Variants in PAPSS1 observed in about 807,000 individuals in gnomAD.
PAPSS1 encodes the protein bifunctional 3'-phosphoadenosine 5'-phosphosulfate synthase 1.
A neutral mutation model predicts 72.0 loss-of-function variants in PAPSS1; 50 were observed. That is an observed-to-expected ratio of 0.69 (90% CI 0.55 to 0.88). The LOEUF (loss-of-function observed/expected upper bound fraction) is 0.88. PAPSS1 is among the 40% of genes least tolerant of loss of function. PAPSS1 has a pLI of 0.00. For missense variants in PAPSS1, 657 were observed against 782.2 expected (o/e 0.84, Z 1.91); for synonymous variants, 261 against 263.6 (o/e 0.99, Z 0.09).
At chr4:107,621,796 T>G (rs1375360651) in intron 11 of PAPSS1, among the ~76,000 whole-genome samples, 3 of 151,554 alleles carry the variant, frequency 2.0e-5, no homozygotes, top group Non-Finnish European at 4.4e-5. Context: ...AATTTTTTTT[T>G]TGTATTTTTT....
chr4:107,627,784 A>G (rs1291197318), intron 11 of PAPSS1, among the ~76,000 whole-genome samples: 2 of 152,156 alleles, frequency 1.3e-5, no homozygotes, highest in Non-Finnish European at 2.9e-5. Flanking sequence ...CCATTGGTAG[A>G]AAAAATCCTT....
chr4:107,671,547 T>C (rs1203185449), intron 5 of PAPSS1, among the ~76,000 whole-genome samples: 1 of 152,164 alleles, frequency 6.6e-6, no homozygotes, highest in Non-Finnish European at 1.5e-5. Flanking sequence ...ATTAAATATG[T>C]GCATTTTTCT....
chr4:107,667,313 T>C lies in PAPSS1; in HGVS notation c.670-7241A>G, dbSNP rs144976916. Among the ~76,000 whole-genome samples, 630 of 152,270 alleles carry C rather than the reference T, an allele frequency of 4.1e-3. 9 individuals carry two copies. The highest frequency in any genetic ancestry group is 0.014 in the African/African-American group (590 of 41,550). ...CACATCTCTTCCATCTGGCTGTTAC[T>C]GAGTCTATAAGAAACTGGAAGTAGC... On this transcript the variant is annotated intron_variant, in intron 5 of 11. Coordinates refer to ENST00000265174, the MANE Select transcript of PAPSS1 (RefSeq NM_005443.5).
At chr4:107,655,880 T>G (rs1255786871) in intron 7 of PAPSS1, among the ~76,000 whole-genome samples, 2 of 152,238 alleles carry the variant, frequency 1.3e-5, no homozygotes, top group Admixed American at 1.3e-4. Context: ...ATCCTTATGT[T>G]CTTGTGATAA....
At chr4:107,634,797 A>ATTTTTTTTTTT (rs3083966) in intron 10 of PAPSS1, among the ~76,000 whole-genome samples, 2 of 116,000 alleles carry the variant, frequency 1.7e-5, no homozygotes, top group African/African-American at 7.2e-5. Flanking sequence ...TATTCTAGAC[A>ATTTTTTTTTTT]TTTTTTTTTT....
At chr4:107,648,906 G>C (rs763217383) in intron 9 of PAPSS1, among the ~76,000 whole-genome samples, 22 of 152,138 alleles carry the variant, frequency 1.4e-4, no homozygotes, top group Non-Finnish European at 1.9e-4. Flanking sequence ...TGGAAATAAA[G>C]GAATAAGAGA....
In PAPSS1 at chr4:107,703,818, G is replaced by A. The variant is rs1052940007; in HGVS notation, c.61-2533C>T. On this transcript the variant is annotated intron_variant, in intron 1 of 11. Coordinates refer to ENST00000265174, the MANE Select transcript of PAPSS1 (RefSeq NM_005443.5). ...CGCTTTGTTATCTTTGCTCAAGATT[G>A]CTTTGGTTATCTGGGGTCTTTTGTG... Among the ~76,000 whole-genome samples the A allele has an allele frequency of 9.9e-5, 15 of 152,246 alleles. No individual in the cohort carries two copies. In the East Asian group the frequency reaches 2.3e-3, roughly 24 times the overall value.
rs1441496741 is a variant in PAPSS1, at chr4:107,693,846, G to A, written c.336C>T (p.Arg112=). Residue 112 remains arginine, a synonymous_variant, in exon 3 of 12, where the codon CGC becomes CGT. Coordinates refer to ENST00000265174, the MANE Select transcript of PAPSS1 (RefSeq NM_005443.5). ...SPEDREENVR[R]IAEVAKLFAD... Reference sequence around the variant, plus strand: ...CAAACAGTTTAGCAACTTCTGCGATGCGTCGAACATTCTCTTCTCTGTCTT... The same window carrying A: ...CAAACAGTTTAGCAACTTCTGCGATACGTCGAACATTCTCTTCTCTGTCTT... The A allele has an allele frequency of 6.2e-6, 10 of 1,613,972 alleles. No individual in the cohort carries two copies. The highest frequency in any genetic ancestry group is 8.5e-6 in the Non-Finnish European group (10 of 1,179,892).
Position 107,678,610 on chromosome 4 carries a change from C to T in PAPSS1, c.669+3405G>A, listed in dbSNP as rs548009502. 3.0e-4 allele frequency among the ~76,000 whole-genome samples: 45 copies of T among 152,110 alleles called. 1 individual carries two copies. In the South Asian group the frequency reaches 9.1e-3, roughly 31 times the overall value. ...GGTAAGAGGAAAACAGCTAAAATGTCTTTAAAACTTTTAAAGGCTGAGTGT... is the reference window on the plus strand; with the variant it reads ...GGTAAGAGGAAAACAGCTAAAATGTTTTTAAAACTTTTAAAGGCTGAGTGT... On this transcript the variant is annotated intron_variant, in intron 5 of 11. Coordinates refer to ENST00000265174, the MANE Select transcript of PAPSS1 (RefSeq NM_005443.5).
chr4:107,637,343 C>T (rs1032927040), intron 10 of PAPSS1, among the ~76,000 whole-genome samples: 5 of 152,046 alleles, frequency 3.3e-5, no homozygotes, highest in African/African-American at 1.2e-4. Context: ...GCAAAGACTT[C>T]GGTAAATTTT....
chr4:107,653,774 T>C (rs1339398362), intron 8 of PAPSS1, 148 bp from the exon 9 acceptor site: 7 of 533,088 alleles, frequency 1.3e-5, no homozygotes, highest in Non-Finnish European at 1.9e-5. Flanking sequence ...ACATTAGAGA[T>C]GCTATAAAAT....
intron 5 of PAPSS1, among the ~76,000 whole-genome samples, chr4:107,662,755 C>G (rs1265551628): frequency 6.6e-6 from 1 of 151,992 alleles, no homozygotes; most frequent in African/African-American, 2.4e-5. Context: ...ACCCTGTATC[C>G]CAGATATGGT....
intron 11 of PAPSS1, among the ~76,000 whole-genome samples, chr4:107,630,835 G>C (rs1301308165): frequency 6.6e-6 from 1 of 152,108 alleles, no homozygotes; most frequent in Non-Finnish European, 1.5e-5. Context: ...ACAAAATGGA[G>C]GTAACAGCAC....
intron 5 of PAPSS1, among the ~76,000 whole-genome samples, chr4:107,660,991 TA>T (rs1727165779): frequency 6.6e-6 from 1 of 151,952 alleles, no homozygotes; most frequent in Non-Finnish European, 1.5e-5. Flanking sequence ...ATATACAAAA[TA>T]AACAATTAAA....
chr4:107,664,866 CAAG>C (rs1198762791), intron 5 of PAPSS1, among the ~76,000 whole-genome samples: 1 of 152,130 alleles, frequency 6.6e-6, no homozygotes, highest in Non-Finnish European at 1.5e-5. Flanking sequence ...ACTTTCTTTT[CAAG>C]AAGGGAAATT....
intron 10 of PAPSS1, among the ~76,000 whole-genome samples, chr4:107,635,041 G>A (rs900118713): frequency 2.6e-4 from 40 of 152,030 alleles, no homozygotes; most frequent in South Asian, 1.2e-3. Context: ...CTTGTGATCC[G>A]CCCGCCTTGG....
intron 5 of PAPSS1, among the ~76,000 whole-genome samples, chr4:107,673,223 C>A (rs575678107): frequency 2.0e-5 from 3 of 152,078 alleles, no homozygotes; most frequent in Admixed American, 2.0e-4. Flanking sequence ...ATGACTTTGA[C>A]GAGTTGAGAG....
At chr4:107,669,794 T>G (rs1560578503) in intron 5 of PAPSS1, among the ~76,000 whole-genome samples, 1 of 152,184 alleles carries the variant, frequency 6.6e-6, no homozygotes, top group Non-Finnish European at 1.5e-5. Flanking sequence ...TTAACAGTTT[T>G]TCAAAAGAAA....
intron 7 of PAPSS1, among the ~76,000 whole-genome samples, chr4:107,656,671 A>AT (rs1285626083): frequency 6.6e-6 from 1 of 152,140 alleles, no homozygotes; most frequent in African/African-American, 2.4e-5. Context: ...TGATTCCCAG[A>AT]TTTTCCCTCT....
Sources: allele counts gnomAD v4.1 joint callset (sites outside exome capture counted in the v4.1 genomes callset), GRCh38; gene constraint gnomAD v4.1.1; transcripts MANE v1.5; gene names NCBI Gene and HGNC (gene_info 2026-07-23, HGNC 2026-07-21).